PCDH11X: variants seen among roughly 807,000 people sequenced by gnomAD.
PCDH11X encodes protocadherin-11 X-linked.
In PCDH11X, 18 loss-of-function variants were observed where a neutral mutation model predicts 53.3. The observed-to-expected ratio is 0.34, with a 90% CI of 0.23 to 0.50. The LOEUF is 0.50. PCDH11X is among the 20% of genes least tolerant of loss of function. The pLI is 0.98. For missense variants in PCDH11X, 570 were observed against 1,032.4 expected (o/e 0.55, Z 6.14); for synonymous variants, 279 against 393.3 (o/e 0.71, Z 3.44).
chrX:91,875,277 A>ATTTT (rs1179910381), intron 5 of PCDH11X, among the ~76,000 whole-genome samples: 6 of 63,757 alleles, frequency 9.4e-5, no homozygotes, highest in Admixed American at 1.9e-4. Flanking sequence ...CAGGGAGGGG[A>ATTTT]TTTTTTTTTT....
At position 92,282,317 on chromosome X, in the gene PCDH11X, A is replaced by G. The variant is rs186796207; in HGVS notation, c.3144+19174A>G. Among the ~76,000 whole-genome samples, 8 of 111,884 alleles carry G rather than the reference A, an allele frequency of 7.2e-5. No individual in the cohort carries two copies. The Admixed American group carries it at 7.6e-4, about 11-fold the overall frequency. On this transcript the variant is annotated intron_variant, in intron 8 of 10. Transcript: ENST00000682573. ...TTTTTTTCCTAAAAATGGATAAGAA[A>G]TACAAAACCTACAGGATTTTAACCC...
intron 8 of PCDH11X, among the ~76,000 whole-genome samples, chrX:92,339,417 G>A (rs139648628): frequency 5.7e-4 from 64 of 111,879 alleles, no homozygotes; most frequent in East Asian, 4.5e-3. Flanking sequence ...GCCCATTCTC[G>A]CATTGCTATA....
At chrX:91,783,344 CT>C (rs1935225789) in intron 1 of PCDH11X, among the ~76,000 whole-genome samples, 1 of 111,934 alleles carries the variant, frequency 8.9e-6, no homozygotes, top group East Asian at 2.8e-4. Context: ...CCCCTTCCCC[CT>C]GGCTCCTTGG....
intron 10 of PCDH11X, among the ~76,000 whole-genome samples, chrX:92,609,219 C>T (rs1345736744): frequency 2.7e-5 from 3 of 111,672 alleles, no homozygotes; most frequent in Non-Finnish European, 3.8e-5. Flanking sequence ...AAAATTTCTA[C>T]GATAACATAC....
chrX:91,799,599 A>T (rs1297132296), intron 1 of PCDH11X, among the ~76,000 whole-genome samples: 1 of 112,360 alleles, frequency 8.9e-6, no homozygotes, highest in East Asian at 2.8e-4. Context: ...AACTTGTCTG[A>T]CTGTGCAAGT....
chrX:92,253,034 T>C (rs1190255882), intron 7 of PCDH11X, among the ~76,000 whole-genome samples: 2 of 107,241 alleles, frequency 1.9e-5, no homozygotes, highest in Non-Finnish European at 3.8e-5. Context: ...TTTGCACAGG[T>C]AAGAAAAGAA....
At position 91,996,165 on chromosome X, in the gene PCDH11X, A is replaced by G. The variant is rs377346578; in HGVS notation, c.3033+116892A>G. Among the ~76,000 whole-genome samples, 65 of 35,685 alleles carry G rather than the reference A, an allele frequency of 1.8e-3. 2 individuals are homozygous for G. The East Asian group carries it at 0.059, about 33-fold the overall frequency. 31.0% of individuals were successfully genotyped at this position (35,685 alleles called of 115,157 possible). Reference sequence around the variant, plus strand: ...CTTTTTTTTTTTTTTTTTTTTTTTGAGACGGAGGTTCAGTCTCCTCACCCA... The same window carrying G: ...CTTTTTTTTTTTTTTTTTTTTTTTGGGACGGAGGTTCAGTCTCCTCACCCA... On this transcript the variant is annotated intron_variant, in intron 6 of 10. Coordinates refer to ENST00000682573, the MANE Select transcript of PCDH11X (RefSeq NM_032968.5).
intron 8 of PCDH11X, among the ~76,000 whole-genome samples, chrX:92,344,640 A>T (rs913476398): frequency 2.0e-5 from 2 of 98,800 alleles, no homozygotes; most frequent in Non-Finnish European, 2.0e-5. Flanking sequence ...TTTCATAAAT[A>T]CATCAACAAG....
chrX:92,130,633 A>G (rs1287666334), intron 6 of PCDH11X, among the ~76,000 whole-genome samples: 3 of 99,382 alleles, frequency 3.0e-5, no homozygotes, highest in African/African-American at 1.2e-4. Context: ...CTGGGCAACA[A>G]GAGTGAAACT....
In PCDH11X at chrX:91,878,868, T is replaced by C. The variant is rs765588773; in HGVS notation, c.2628T>C (p.His876=). The stretch of plus-strand genomic sequence containing the variant: ...AGAAAAAGAAAAAGAAGAAGAAGCA[T>C]TCCCCTAAGAACTTGCTGCTTAATT... ...MMKKKKKKKK[H]SPKNLLLNFV... Residue 876 remains histidine, a synonymous_variant, in exon 6 of 11, where the codon CAT becomes CAC. Transcript: ENST00000682573. 22 of 1,211,391 alleles carry C rather than the reference T, an allele frequency of 1.8e-5. No homozygotes were observed. Among genetic ancestry groups the C allele is most frequent in the Non-Finnish European group, 2.5e-5 (22 of 895,390 alleles).
At chrX:91,860,243 T>C (rs1170839440) in intron 5 of PCDH11X, among the ~76,000 whole-genome samples, 1 of 108,099 alleles carries the variant, frequency 9.3e-6, no homozygotes, top group Non-Finnish European at 1.9e-5. Flanking sequence ...GAATTGGAGT[T>C]CATTCATGAT....
chrX:91,818,293 A>G (rs1472270003), intron 4 of PCDH11X, among the ~76,000 whole-genome samples: 1 of 111,260 alleles, frequency 9.0e-6, no homozygotes, highest in South Asian at 3.7e-4. Context: ...TTCTAAACCA[A>G]TGTGAGATCA....
intron 7 of PCDH11X, among the ~76,000 whole-genome samples, chrX:92,254,537 G>A (rs1483590170): frequency 1.1e-4 from 12 of 108,912 alleles, no homozygotes; most frequent in African/African-American, 3.1e-4. Flanking sequence ...TCCTAGTCTC[G>A]ATGGTCTTTA....
chrX:92,028,913 C>T (rs1162860790), intron 6 of PCDH11X, among the ~76,000 whole-genome samples: 1 of 110,431 alleles, frequency 9.1e-6, no homozygotes, highest in Non-Finnish European at 1.9e-5. Flanking sequence ...AGATTTTTTG[C>T]TAAAACTGCA....
chrX:92,183,431 A>T (rs979967566), intron 6 of PCDH11X, among the ~76,000 whole-genome samples: 31 of 109,548 alleles, frequency 2.8e-4, no homozygotes, highest in Non-Finnish European at 2.3e-4. Context: ...TAATTTTTGT[A>T]TTTTTAGTAG....
At chrX:92,548,345 A>G (rs772081935) in intron 10 of PCDH11X, among the ~76,000 whole-genome samples, 1 of 110,269 alleles carries the variant, frequency 9.1e-6, no homozygotes, top group African/African-American at 3.3e-5. Context: ...TAATTTTTGT[A>G]GTTTTTCTAG....
In PCDH11X at chrX:92,383,105, G is replaced by A. The variant is rs184938705; in HGVS notation, c.3145-4630G>A. 2.8e-3 allele frequency among the ~76,000 whole-genome samples: 299 copies of A among 108,653 alleles called. 7 individuals are homozygous for A. The East Asian group carries it at 0.055, about 20-fold the overall frequency. 94.4% of individuals were successfully genotyped at this position (108,653 alleles called of 115,157 possible). A position where few individuals can be genotyped will look rare whatever the true frequency, so the allele number is the denominator to read the frequency against. ...TAAGTACAGTTTTATTGGAACACAG[G>A]CAGGCCCATTCAGTTTCATATTGTC... On this transcript the variant is annotated intron_variant, in intron 8 of 10. Transcript: ENST00000682573.
chrX:92,461,792 A>G (rs1161840646), intron 9 of PCDH11X, among the ~76,000 whole-genome samples: 1 of 111,485 alleles, frequency 9.0e-6, no homozygotes, highest in East Asian at 2.8e-4. Flanking sequence ...AGGGGGGGAA[A>G]TATTTGTAAA....
At chrX:91,804,037 G>A (rs1049357330) in intron 1 of PCDH11X, among the ~76,000 whole-genome samples, 9 of 111,462 alleles carry the variant, frequency 8.1e-5, no homozygotes, top group Non-Finnish European at 1.5e-4. Context: ...GAAGTTTTAC[G>A]CTTCTTGTAT....
Sources: allele counts gnomAD v4.1 joint callset (sites outside exome capture counted in the v4.1 genomes callset), GRCh38; gene constraint gnomAD v4.1.1; transcripts MANE v1.5; gene names NCBI Gene and HGNC (gene_info 2026-07-23, HGNC 2026-07-21).